NDUFS2: variants seen among roughly 807,000 people sequenced by gnomAD.
NDUFS2 encodes the protein NADH dehydrogenase [ubiquinone] iron-sulfur protein 2, mitochondrial.
A neutral mutation model predicts 69.6 loss-of-function variants in NDUFS2; 38 were observed. The ratio of observed to expected loss-of-function variants is 0.55; its 90% CI spans 0.42 to 0.72. The LOEUF (loss-of-function observed/expected upper bound fraction) is 0.72, where lower values mean the gene tolerates loss of function less well. Among genes scored for constraint, NDUFS2 ranks in the 30% least tolerant of loss-of-function variants. The probability of loss-of-function intolerance (pLI) is 0.00; values close to 1 mark genes in which losing one functional copy is unlikely to be tolerated. For synonymous variants in NDUFS2, 194 were observed against 211.2 expected, an observed-to-expected ratio of 0.92 and a Z score of 0.70; for missense variants, 468 against 595.0, an observed-to-expected ratio of 0.79 and a Z score of 2.22.
chr1:161,212,778 C>T (rs1251118000), intron 10 of NDUFS2: 13 of 347,946 alleles, frequency 3.7e-5, no homozygotes, highest in Non-Finnish European at 5.6e-5. Context: ...AGGGTGGTCT[C>T]GAACTCCTGA....
chr1:161,209,560 A>G lies in NDUFS2; in HGVS notation c.592A>G (p.Thr198Ala). ...TTHALDLGAM[T>A]PFFWLFEERE... is the part of the protein sequence containing the mutation. Reference sequence around the variant, plus strand: ...ACATGCCCTGGACCTTGGGGCCATGACCCCTTTCTTCTGGCTGTTTGAAGA... The same window carrying G: ...ACATGCCCTGGACCTTGGGGCCATGGCCCCTTTCTTCTGGCTGTTTGAAGA... The change falls in exon 5 of 14, where the codon ACC becomes GCC. Residue 198 changes from threonine (T) to alanine (A), a missense_variant. Physicochemically the swap from Thr to Ala is moderately conservative, Grantham distance 58. Around this residue, in one of 3 missense-constraint regions of NDUFS2, gnomAD observed 339 missense variants for 433.8 expected, o/e 0.78. Transcript: ENST00000676972. 2 of 1,613,160 alleles carry G rather than the reference A, an allele frequency of 1.2e-6. No individual in the cohort carries two copies. Among genetic ancestry groups the G allele is most frequent in the Non-Finnish European group, 1.7e-6 (2 of 1,179,980 alleles).
At chr1:161,207,967 G>A (rs1665563934) in intron 3 of NDUFS2, among the ~76,000 whole-genome samples, 1 of 139,908 alleles carries the variant, frequency 7.1e-6, no homozygotes, top group Non-Finnish European at 1.5e-5. Context: ...GCACCACCAT[G>A]CCTGGCTAAT....
chr1:161,206,456 T>C lies in NDUFS2; in HGVS notation c.252T>C (p.Phe84=), dbSNP rs747896373. ...DTIVKNITLN[F]GPQHPAAHGV... is the part of the protein sequence containing the mutation. ...TTGTGAAGAACATTACCCTGAACTT[T>C]GGGCCCCAACACCCAGCAGCGCATG... The change falls in exon 3 of 14, where the codon TTT becomes TTC. Residue 84 remains phenylalanine (F), a synonymous_variant. Coordinates refer to ENST00000676972, the MANE Select transcript of NDUFS2 (RefSeq NM_001377299.1). 6.2e-7 allele frequency: 1 copy of C among 1,614,252 alleles called. No individual in the cohort carries two copies. The highest frequency in any genetic ancestry group is 1.7e-5 in the Admixed American group (1 of 60,030).
At position 161,213,362 on chromosome 1, in the gene NDUFS2, C is replaced by T; in HGVS notation, c.1117-18C>T. 4 of 1,562,222 alleles carry T rather than the reference C, an allele frequency of 2.6e-6. No individual in the cohort carries two copies. Among genetic ancestry groups the T allele is most frequent in the South Asian group, 1.1e-5 (1 of 88,854 alleles). ...GTTTGGATATGGTTTATTGATGCTC[C>T]CTGTTTCCTCTCTTCAGACTTCCAT... On this transcript the variant is annotated intron_variant, in intron 10 of 13. Transcript: ENST00000676972.
Position 161,206,461 on chromosome 1 carries a change from C to T in NDUFS2, c.257C>T (p.Pro86Leu). The T allele has an allele frequency of 2.5e-6, 4 of 1,614,244 alleles. No homozygotes were observed. The highest frequency in any genetic ancestry group is 1.7e-5 in the Admixed American group (1 of 60,030). ...AAGAACATTACCCTGAACTTTGGGC[C>T]CCAACACCCAGCAGCGCATGGTGTC... Reference protein sequence around the residue: ...IVKNITLNFGPQHPAAHGVLR... With the variant: ...IVKNITLNFGLQHPAAHGVLR... Residue 86 changes from proline (P) to leucine (L), a missense_variant, in exon 3 of 14, where the codon CCC (proline) becomes CTC (leucine). Around this residue, in one of 3 missense-constraint regions of NDUFS2, gnomAD observed 339 missense variants for 433.8 expected, o/e 0.78. Coordinates refer to ENST00000676972, the MANE Select transcript of NDUFS2 (RefSeq NM_001377299.1).
At position 161,210,294 on chromosome 1, in the gene NDUFS2, T is replaced by C. The variant is rs753555709; in HGVS notation, c.781-10T>C. 1.2e-6 allele frequency: 2 copies of C among 1,613,304 alleles called. No homozygotes were observed. Among genetic ancestry groups the C allele is most frequent in the Non-Finnish European group, 1.7e-6 (2 of 1,179,466 alleles). On this transcript the variant is annotated splice_polypyrimidine_tract_variant and intron_variant, in intron 7 of 13. Transcript: ENST00000676972. ...AAGAGTATTAACACACCAGTTTTCT[T>C]GATCAATAGTTGCTGACCAACAATA... is the stretch of plus-strand genomic sequence containing the variant.
upstream of NDUFS2, chr1:161,202,364 C>T: frequency 1.2e-6 from 2 of 1,602,942 alleles, no homozygotes; most frequent in African/African-American, 1.3e-5. Flanking sequence ...TTCTCCTTCC[C>T]GCAGTCTGCA....
At chr1:161,203,838 G>T (rs1301399279) in intron 2 of NDUFS2, 2 of 412,144 alleles carry the variant, frequency 4.9e-6, no homozygotes, top group Non-Finnish European at 9.2e-6. Flanking sequence ...CTGGCCTCAG[G>T]TAATCCTCCC....
At chr1:161,206,985 C>T (rs1003385484) in intron 3 of NDUFS2, among the ~76,000 whole-genome samples, 1 of 152,172 alleles carries the variant, frequency 6.6e-6, no homozygotes, top group Admixed American at 6.5e-5. Flanking sequence ...TTGTATCTTC[C>T]AGCTGTCTAC....
At chr1:161,212,543 A>G (rs1232380932) in intron 10 of NDUFS2, 63 bp downstream of exon 10, 2 of 1,587,690 alleles carry the variant, frequency 1.3e-6, no homozygotes, top group South Asian at 1.1e-5. Flanking sequence ...GGGGAGGAGT[A>G]TCCTTGGATT....
At chr1:161,212,574 C>CTTT in intron 10 of NDUFS2, 94 bp downstream of exon 10, 1 of 1,337,038 alleles carries the variant, frequency 7.5e-7, no homozygotes, top group Non-Finnish European at 1.0e-6. Flanking sequence ...TTTTGGTTTT[C>CTTT]TTTTTTTTTT....
rs769381770 is a variant in NDUFS2 at position 161,210,669 on chromosome 1, G to A, written c.945G>A (p.Glu315=). 3 of 1,614,130 alleles carry A rather than the reference G, an allele frequency of 1.9e-6. No individual in the cohort carries two copies. Among genetic ancestry groups the A allele is most frequent in the South Asian group, 1.1e-5 (1 of 91,084 alleles). Residue 315 remains glutamate, a synonymous_variant, in exon 9 of 14, where the codon GAG becomes GAA. Transcript: ENST00000676972. ...TQPYDVYDQV[E]FDVPVGSRGD... is the part of the protein sequence containing the mutation. ...CCTATGATGTTTACGACCAGGTTGA[G>A]TTTGATGTTCCTGTTGGTTCTCGAG...
chr1:161,209,088 TA>T, intron 3 of NDUFS2, 104 bp from the exon 4 acceptor site: 14 of 1,507,152 alleles, frequency 9.3e-6, no homozygotes, highest in Non-Finnish European at 1.2e-5. Flanking sequence ...TAGAAAGGCT[TA>T]TACAGCACCA....
At chr1:161,197,499 C>T (rs866632227), upstream of NDUFS2, 10 of 159,720 alleles carry the variant, frequency 6.3e-5, no homozygotes, top group Non-Finnish European at 1.4e-4. Context: ...TATGGGATAC[C>T]CTCCCTCTCT....
Position 161,212,645 on chromosome 1 carries a change from C to T in NDUFS2, c.1116+165C>T, listed in dbSNP as rs562442172. 52 of 811,974 alleles carry T rather than the reference C, an allele frequency of 6.4e-5. No individual in the cohort carries two copies. The African/African-American group carries it at 6.6e-4, about 10-fold the overall frequency. 50.3% of individuals were successfully genotyped at this position (811,974 alleles called of 1,614,324 possible). ...TGCAATCTCGGCTAACTGCAACCTC[C>T]GCCTCCCAGGTTCAAGCAATTCTTC... is the stretch of plus-strand genomic sequence containing the variant. On this transcript the variant is annotated intron_variant, in intron 10 of 13. Transcript: ENST00000676972.
rs372304828 is a variant in NDUFS2 at position 161,213,939 on chromosome 1, T to C, written c.1354+18T>C. 81 of 1,614,186 alleles carry C rather than the reference T, an allele frequency of 5.0e-5. No individual in the cohort carries two copies. The highest frequency in any genetic ancestry group is 6.7e-5 in the Non-Finnish European group (79 of 1,180,028). ...CATCATAGGTACGAGGCCTATTGTG[T>C]AGTAGAGGTATCCTAGACAAAGGAG... On this transcript the variant is annotated intron_variant, in intron 13 of 13. Transcript: ENST00000676972.
chr1:161,206,627 G>A (rs757729200), intron 3 of NDUFS2, 30 bp downstream of exon 3: 43 of 1,609,210 alleles, frequency 2.7e-5, no homozygotes, highest in East Asian at 8.9e-5. Context: ...GCCTTTTGGC[G>A]GGATCTGGGG....
chr1:161,206,609 G>C lies in NDUFS2; in HGVS notation c.393+12G>C. ...AGACCTATCTTCAGGTGTGGGGGGT[G>C]AACAGGAGCCTTTTGGCGGGATCTG... is the stretch of plus-strand genomic sequence containing the variant. On this transcript the variant is annotated intron_variant, in intron 3 of 13. Transcript: ENST00000676972. The C allele has an allele frequency of 4.3e-6, 7 of 1,612,318 alleles. No individual in the cohort carries two copies. The highest frequency in any genetic ancestry group is 5.9e-6 in the Non-Finnish European group (7 of 1,179,768).
At chr1:161,208,925 A>T (rs1253016370) in intron 3 of NDUFS2, among the ~76,000 whole-genome samples, 1 of 152,206 alleles carries the variant, frequency 6.6e-6, no homozygotes, top group Non-Finnish European at 1.5e-5. Flanking sequence ...GGTAACTTAA[A>T]ATTGGCCATT....
Sources: allele counts gnomAD v4.1 joint callset (sites outside exome capture counted in the v4.1 genomes callset), GRCh38; gene constraint gnomAD v4.1.1; regional missense constraint gnomAD v4.1.1; transcripts MANE v1.5; gene names NCBI Gene and HGNC (gene_info 2026-07-23, HGNC 2026-07-21).